AMMECR1: variants seen among roughly 807,000 people sequenced by gnomAD.
The protein encoded by AMMECR1 is nuclear protein AMMECR1.
In AMMECR1, 3 loss-of-function variants were observed where a neutral mutation model predicts 22.5. That is an observed-to-expected ratio of 0.13 (90% confidence interval 0.06 to 0.35). The LOEUF (loss-of-function observed/expected upper bound fraction) is 0.35. AMMECR1 is among the 10% of genes least tolerant of loss of function. The pLI is 1.00. For missense variants in AMMECR1, 235 were observed against 278.7 expected, an observed-to-expected ratio of 0.84 and a Z score of 1.12; for synonymous variants, 130 against 116.7, an observed-to-expected ratio of 1.11 and a Z score of -0.74.
intron 1 of AMMECR1, among the ~76,000 whole-genome samples, chrX:110,283,832 TAAAA>T (rs2067865158): frequency 8.9e-6 from 1 of 112,012 alleles, no homozygotes; most frequent in Non-Finnish European, 1.9e-5. Flanking sequence ...TTAATTAAAA[TAAAA>T]TGAGGCTGGG....
chrX:110,356,376 A>G (rs2068230636), intron 2 of AMMECR1, among the ~76,000 whole-genome samples: 1 of 109,332 alleles, frequency 9.1e-6, no homozygotes, highest in Admixed American at 9.8e-5. Flanking sequence ...GCTGGTCTCA[A>G]ACTCCTGACC....
intron 2 of AMMECR1, chrX:110,426,519 T>C (rs1313837191): frequency 8.9e-6 from 1 of 112,246 alleles, no homozygotes; most frequent in African/African-American, 3.2e-5. Flanking sequence ...TTAAGCTGCA[T>C]TTGCTTTGTT....
At chrX:110,438,310 GA>G (rs1285266892) in intron 1 of AMMECR1, among the ~76,000 whole-genome samples, 1 of 111,900 alleles carries the variant, frequency 8.9e-6, no homozygotes, top group Admixed American at 9.5e-5. Flanking sequence ...CTTGGGAGCG[GA>G]TGGAGAGATT....
chrX:110,388,628 G>GCC (rs1462907216), intron 2 of AMMECR1, among the ~76,000 whole-genome samples: 2 of 112,356 alleles, frequency 1.8e-5, no homozygotes, highest in Non-Finnish European at 3.8e-5. Flanking sequence ...TGCATCAAAA[G>GCC]CCCCTGGAGG....
At chrX:110,426,983 C>T (rs2068758965) in intron 1 of AMMECR1, among the ~76,000 whole-genome samples, 1 of 112,272 alleles carries the variant, frequency 8.9e-6, no homozygotes, top group South Asian at 3.7e-4. Context: ...ACTGGTTGCC[C>T]AGGGCAAAAA....
At chrX:110,401,313 C>T (rs1380963442) in intron 2 of AMMECR1, among the ~76,000 whole-genome samples, 2 of 111,054 alleles carry the variant, frequency 1.8e-5, no homozygotes, top group African/African-American at 6.6e-5. Flanking sequence ...TTCAGACTCC[C>T]AGTGTGTCTC....
In AMMECR1 at chrX:110,362,863, G is replaced by A. The variant is rs192591463; in HGVS notation, c.-147-45014C>T. Among the ~76,000 whole-genome samples, 37 of 111,226 alleles carry A rather than the reference G, an allele frequency of 3.3e-4. No individual in the cohort carries two copies. The Admixed American group carries it at 3.5e-3, about 10-fold the overall frequency. On this transcript the variant is annotated intron_variant, in intron 2 of 7. Transcript: ENST00000372057. ...ACTACGTATGTGGTATTGTGCTGGGGGATTTATATATATTAATTCATTTAA... is the reference window on the plus strand; with the variant it reads ...ACTACGTATGTGGTATTGTGCTGGGAGATTTATATATATTAATTCATTTAA...
rs571942428 is a variant in AMMECR1 at position 110,253,576 on chromosome X, T to C, written c.584+10913A>G. ...TGTGCTTTTAAAAAGAACAATTACA[T>C]TTTATAACATGTATTTACAAACCCA... On this transcript the variant is annotated intron_variant, in intron 2 of 5. Transcript: ENST00000262844. Among the ~76,000 whole-genome samples the C allele has an allele frequency of 5.3e-5, 6 of 112,927 alleles. No homozygotes were observed. The South Asian group carries it at 1.8e-3, about 34-fold the overall frequency.
chrX:110,435,298 C>T (rs2068830582), intron 1 of AMMECR1, among the ~76,000 whole-genome samples: 1 of 111,561 alleles, frequency 9.0e-6, no homozygotes, highest in Admixed American at 9.4e-5. Context: ...CTAACAAAAC[C>T]TAATAAATTA....
intron 2 of AMMECR1, among the ~76,000 whole-genome samples, chrX:110,230,821 G>A (rs1569380522): frequency 8.9e-6 from 1 of 111,818 alleles, no homozygotes; most frequent in East Asian, 2.8e-4. Context: ...AATAAACAGT[G>A]TAGAGAAGAC....
At chrX:110,285,555 T>C (rs1158399865) in intron 1 of AMMECR1, among the ~76,000 whole-genome samples, 1 of 112,183 alleles carries the variant, frequency 8.9e-6, no homozygotes, top group African/African-American at 3.2e-5. Flanking sequence ...TAATATCTTA[T>C]TGGAATGTAG....
chrX:110,298,574 T>C (rs1348173526), intron 1 of AMMECR1, among the ~76,000 whole-genome samples: 1 of 111,346 alleles, frequency 9.0e-6, no homozygotes, highest in East Asian at 2.8e-4. Context: ...ATACTTTCCA[T>C]ATAACTGCCC....
chrX:110,211,638 A>G (rs776832096), intron 3 of AMMECR1, among the ~76,000 whole-genome samples: 1 of 112,757 alleles, frequency 8.9e-6, no homozygotes, highest in South Asian at 3.7e-4. Flanking sequence ...GTTCAAACAC[A>G]AAGCATATCA....
At chrX:110,306,046 C>T (rs2067992775) in intron 1 of AMMECR1, among the ~76,000 whole-genome samples, 1 of 110,595 alleles carries the variant, frequency 9.0e-6, no homozygotes, top group Non-Finnish European at 1.9e-5. Flanking sequence ...CTTTGGGAGG[C>T]CGAGGCAGGC....
chrX:110,271,352 A>G (rs1336262600), intron 1 of AMMECR1, among the ~76,000 whole-genome samples: 2 of 112,680 alleles, frequency 1.8e-5, no homozygotes, highest in Non-Finnish European at 3.8e-5. Flanking sequence ...TCTCCCATTT[A>G]TATAATTCCA....
intron 2 of AMMECR1, among the ~76,000 whole-genome samples, chrX:110,423,835 T>A (rs2068736185): frequency 8.9e-6 from 1 of 112,353 alleles, no homozygotes; most frequent in African/African-American, 3.2e-5. Flanking sequence ...ACGTTAGGTG[T>A]TGCATGGTAA....
At chrX:110,274,527 C>A (rs757204279) in intron 1 of AMMECR1, among the ~76,000 whole-genome samples, 48 of 111,718 alleles carry the variant, frequency 4.3e-4, no homozygotes, top group Non-Finnish European at 7.7e-4. Flanking sequence ...GTCCTGAAGT[C>A]CAATTCATCT....
intron 1 of AMMECR1, among the ~76,000 whole-genome samples, chrX:110,291,056 A>G (rs2067905500): frequency 8.9e-6 from 1 of 111,964 alleles, no homozygotes; most frequent in Non-Finnish European, 1.9e-5. Flanking sequence ...CACCTTAAGA[A>G]AAATTTTAAA....
chrX:110,243,955 G>T (rs73540298), intron 2 of AMMECR1, among the ~76,000 whole-genome samples: 1,926 of 111,169 alleles, frequency 0.017, 40 homozygotes, highest in African/African-American at 0.06. Context: ...GATAATCTAG[G>T]ATTAATTAAA....
Sources: gnomAD v4.1 joint callset for allele counts (sites outside exome capture counted in the v4.1 genomes callset) on GRCh38, gnomAD v4.1.1 for gene constraint, MANE v1.5 for transcripts, NCBI Gene and HGNC (gene_info 2026-07-23, HGNC 2026-07-21) for gene names.